The following ITGA2 variants were observed in gnomAD, a reference collection of about 807,000 sequenced individuals.
The protein encoded by ITGA2 is integrin subunit alpha 2, also known as integrin alpha-2.
In ITGA2, 101 loss-of-function variants were observed where a neutral mutation model predicts 146.3. That is an observed-to-expected ratio of 0.69 (90% CI 0.59 to 0.81). The LOEUF (loss-of-function observed/expected upper bound fraction) is 0.81, where lower values mean the gene tolerates loss of function less well. Ranked by LOEUF, ITGA2 falls within the 40% of genes least tolerant of loss-of-function variation. The probability of loss-of-function intolerance (pLI) is 0.00; values close to 1 mark genes in which losing one functional copy is unlikely to be tolerated. For missense variants in ITGA2, 1,281 were observed against 1,402.7 expected (o/e 0.91, Z 1.39); for synonymous variants, 477 against 487.1 (o/e 0.98, Z 0.27).
chr5:53,002,640 C>T (rs952413597), intron 1 of ITGA2, among the ~76,000 whole-genome samples: 2 of 152,162 alleles, frequency 1.3e-5, no homozygotes, highest in African/African-American at 4.8e-5. Flanking sequence ...TTTTGCCCCC[C>T]ACTGTAAATA....
At position 53,093,909 on chromosome 5, in the gene ITGA2, TAACTG is replaced by T. The variant is rs1008498848; in HGVS notation, c.*3314_*3318del. On this transcript the variant is annotated 3_prime_UTR_variant, in exon 30 of 30. Coordinates refer to ENST00000296585, the MANE Select transcript of ITGA2 (RefSeq NM_002203.4). ...ATTTCAGCAGCAAAATAAGAACTCCTAACTGAACAGAAATTTTTCTACCTAGCAAT... is the reference window on the plus strand; with the variant it reads ...ATTTCAGCAGCAAAATAAGAACTCCTAACAGAAATTTTTCTACCTAGCAAT... The T allele has an allele frequency of 1.3e-5, 2 of 152,630 alleles. No homozygotes were observed. Among genetic ancestry groups the T allele is most frequent in the Admixed American group, 1.3e-4 (2 of 15,282 alleles). 9.5% of individuals were successfully genotyped at this position (152,630 alleles called of 1,614,324 possible). A position where few individuals can be genotyped will look rare whatever the true frequency, so the allele number is the denominator to read the frequency against.
intron 28 of ITGA2, among the ~76,000 whole-genome samples, chr5:53,087,598 G>A (rs184283745): frequency 3.8e-4 from 57 of 150,446 alleles, no homozygotes; most frequent in Non-Finnish European, 5.6e-4. Context: ...TCTTACATTC[G>A]GGAGGACTAT....
Position 53,067,317 on chromosome 5 carries a change from A to C in ITGA2, c.2083+60A>C, listed in dbSNP as rs1024112590. The C allele has an allele frequency of 7.5e-6, 12 of 1,591,190 alleles. No homozygotes were observed. The South Asian group carries it at 1.1e-4, about 15-fold the overall frequency. ...GTTGGCTTACAGAGTTTTAGTCCTG[A>C]ATATAACATATTTTGGTTTGTAGGC... On this transcript the variant is annotated intron_variant, in intron 16 of 29. Transcript: ENST00000296585.
intron 1 of ITGA2, among the ~76,000 whole-genome samples, chr5:53,010,860 C>G (rs1742089487): frequency 6.6e-6 from 1 of 151,998 alleles, no homozygotes; most frequent in Admixed American, 6.6e-5. Flanking sequence ...TGAAAACATC[C>G]TGGATTATCT....
chr5:53,071,892 A>C (rs752336010), intron 17 of ITGA2, 46 bp from the exon 18 acceptor site: 2 of 1,398,994 alleles, frequency 1.4e-6, no homozygotes, highest in Admixed American at 3.4e-5. Context: ...TGCTCTAATA[A>C]ACTGACTCTG....
At chr5:53,086,844 G>T in intron 27 of ITGA2, 108 bp from the exon 28 acceptor site, 1 of 893,376 alleles carries the variant, frequency 1.1e-6, no homozygotes, top group Non-Finnish European at 1.8e-6. Context: ...AGAACCATTT[G>T]CTCTTGTCAC....
rs1183708109 is a variant in ITGA2, at chr5:53,094,124, A to G, written c.*3525A>G. 1 of 152,456 alleles carries G rather than the reference A, an allele frequency of 6.6e-6. No homozygotes were observed. Among genetic ancestry groups the G allele is most frequent in the Non-Finnish European group, 1.5e-5 (1 of 68,002 alleles). The allele number at this position is 152,456 out of a possible 1,614,324, so 9.4% of individuals were successfully genotyped here. On this transcript the variant is annotated 3_prime_UTR_variant, in exon 30 of 30. Transcript: ENST00000296585. Reference sequence around the variant, plus strand: ...AAATCTCAAAAATTAAGACATCATCATACAGAAGGCAGGATTCCTTAAACT... The same window carrying G: ...AAATCTCAAAAATTAAGACATCATCGTACAGAAGGCAGGATTCCTTAAACT...
At chr5:53,085,908 T>C (rs570638182) in intron 27 of ITGA2, among the ~76,000 whole-genome samples, 5 of 151,828 alleles carry the variant, frequency 3.3e-5, no homozygotes, top group African/African-American at 7.2e-5. Context: ...ATTGAAAAAA[T>C]AGACTTTTTT....
intron 2 of ITGA2, among the ~76,000 whole-genome samples, chr5:53,032,409 G>A (rs181403478): frequency 2.0e-5 from 3 of 152,164 alleles, no homozygotes; most frequent in Admixed American, 6.5e-5. Context: ...TGCCAAACAT[G>A]TAATACCCAT....
chr5:52,998,336 C>T (rs1366164639), intron 1 of ITGA2, among the ~76,000 whole-genome samples: 5 of 152,052 alleles, frequency 3.3e-5, no homozygotes, highest in African/African-American at 7.2e-5. Flanking sequence ...TTCCTGTAAT[C>T]CCAGCTACTC....
At position 53,090,791 on chromosome 5, in the gene ITGA2, A is replaced by T; in HGVS notation, c.*192A>T. On this transcript the variant is annotated 3_prime_UTR_variant, in exon 30 of 30. Transcript: ENST00000296585. ...GGGGGGTGGGGGAGGTGCGGGGGGC[A>T]GGTAGGGAAATAATAGGGAAAATAC... The T allele has an allele frequency of 3.3e-6, 2 of 597,478 alleles. No homozygotes were observed. The highest frequency in any genetic ancestry group is 6.0e-6 in the Non-Finnish European group (2 of 331,780). 37.0% of individuals were successfully genotyped at this position (597,478 alleles called of 1,614,324 possible).
chr5:53,085,327 G>C (rs1383277481), intron 27 of ITGA2, among the ~76,000 whole-genome samples: 1 of 152,174 alleles, frequency 6.6e-6, no homozygotes, highest in Non-Finnish European at 1.5e-5. Context: ...CCATTTGTAG[G>C]GAGAAGCCTT....
At chr5:53,003,828 A>G (rs968190684) in intron 1 of ITGA2, among the ~76,000 whole-genome samples, 3 of 152,034 alleles carry the variant, frequency 2.0e-5, no homozygotes, top group Non-Finnish European at 4.4e-5. Context: ...TTTCTTTTTT[A>G]GAGACAGAGT....
chr5:53,033,345 C>A (rs1037384456), intron 2 of ITGA2, among the ~76,000 whole-genome samples: 4 of 152,112 alleles, frequency 2.6e-5, no homozygotes, highest in African/African-American at 9.7e-5. Flanking sequence ...AGCTTCCATG[C>A]ATATTGGATT....
intron 1 of ITGA2, among the ~76,000 whole-genome samples, chr5:53,006,065 G>T (rs1011825601): frequency 3.9e-5 from 6 of 152,118 alleles, no homozygotes; most frequent in Non-Finnish European, 5.9e-5. Flanking sequence ...CCTGTCGGTG[G>T]GGGCGAGGGG....
In ITGA2 at chr5:52,989,555, A is replaced by G. The variant is rs1400424565; in HGVS notation, c.64+23A>G. 4.3e-6 allele frequency: 7 copies of G among 1,613,606 alleles called. No homozygotes were observed. The African/African-American group carries it at 8.0e-5, about 18-fold the overall frequency. The stretch of plus-strand genomic sequence containing the variant: ...AAGGTAAGCGGGGATTTCGCTCTGC[A>G]TCGGCTGCAGGAGGGACCCGCGCGG... On this transcript the variant is annotated intron_variant, in intron 1 of 29. Transcript: ENST00000296585.
chr5:53,050,397 G>C (rs1469200908), intron 6 of ITGA2, among the ~76,000 whole-genome samples: 3 of 152,090 alleles, frequency 2.0e-5, no homozygotes, highest in Non-Finnish European at 4.4e-5. Flanking sequence ...TCTCGTATTG[G>C]ACTTTGAAAT....
intron 1 of ITGA2, among the ~76,000 whole-genome samples, chr5:53,024,009 AAAG>A (rs1179545160): frequency 6.6e-6 from 1 of 152,234 alleles, no homozygotes; most frequent in Admixed American, 6.5e-5. Context: ...GGATGGTGAT[AAAG>A]AAGGTCATGC....
In ITGA2 at chr5:53,065,897, C is replaced by T; in HGVS notation, c.1863C>T (p.Ser621=). 6.2e-7 allele frequency: 1 copy of T among 1,612,100 alleles called. No individual in the cohort carries two copies. Among genetic ancestry groups the T allele is most frequent in the South Asian group, 1.1e-5 (1 of 91,042 alleles). ...GCCATCTCCAGTACTTTGGGAGGTC[C>T]TTGGATGGCTATGGAGATTTAAATG... ...FRSHLQYFGR[S]LDGYGDLNGD... The change falls in exon 15 of 30, where the codon TCC becomes TCT. Residue 621 remains serine, a synonymous_variant. Transcript: ENST00000296585.
Sources: allele counts gnomAD v4.1 joint callset (sites outside exome capture counted in the v4.1 genomes callset), GRCh38; gene constraint gnomAD v4.1.1; transcripts MANE v1.5; gene names NCBI Gene and HGNC (gene_info 2026-07-23, HGNC 2026-07-21).